The following FMN1 variants were observed in gnomAD, a reference collection of about 807,000 sequenced individuals.
FMN1 encodes the protein formin-1.
FMN1 carries 110 observed loss-of-function variants against 132.4 expected under a neutral mutation model. That is an observed-to-expected ratio of 0.83 (90% confidence interval 0.71 to 0.97). The LOEUF (loss-of-function observed/expected upper bound fraction) is 0.97, where lower values mean the gene tolerates loss of function less well. Ranked by LOEUF, FMN1 falls within the 50% of genes least tolerant of loss-of-function variation. The probability of loss-of-function intolerance (pLI) is 0.00; values close to 1 mark genes in which losing one functional copy is unlikely to be tolerated. For missense variants in FMN1, 1,792 were observed against 1,705.3 expected, an observed-to-expected ratio of 1.05 and a Z score of -0.90; for synonymous variants, 722 against 651.7, an observed-to-expected ratio of 1.11 and a Z score of -1.64.
At chr15:33,150,885 G>C in intron 4 of FMN1, 1 of 1,007,802 alleles carries the variant, frequency 9.9e-7, no homozygotes, top group Non-Finnish European at 1.2e-6. Flanking sequence ...AAGGGACACT[G>C]TAGTGTGATG....
intron 8 of FMN1, among the ~76,000 whole-genome samples, chr15:32,967,451 C>T (rs1470799056): frequency 2.0e-5 from 3 of 152,156 alleles, no homozygotes; most frequent in African/African-American, 4.8e-5. Flanking sequence ...AACACTAATA[C>T]GGAAACATGA....
At chr15:32,805,954 G>C (rs72717662) in intron 17 of FMN1, among the ~76,000 whole-genome samples, 3,393 of 152,122 alleles carry the variant, frequency 0.022, 65 homozygotes, top group Non-Finnish European at 0.035. Context: ...CTTTCTATAG[G>C]ATTATCAAGA....
rs761623743 is a variant in FMN1 at position 32,969,462 on chromosome 15, G to C, written c.2239C>G (p.Arg747Gly). 1.2e-6 allele frequency: 2 copies of C among 1,613,560 alleles called. No individual in the cohort carries two copies. Among genetic ancestry groups the C allele is most frequent in the Admixed American group, 3.3e-5 (2 of 59,986 alleles). Reference protein sequence around the residue: ...IENLQAQFELRAFHIRGEHAM... With the variant: ...IENLQAQFELGAFHIRGEHAM... ...TGCTCGCCCCGGATATGAAATGCCC[G>C]AAGTTCAAACTGTGCCTATAGGAAA... The change falls in exon 8 of 21, where the codon CGG becomes GGG. Residue 747 changes from arginine to glycine, a missense_variant. Physicochemically the swap from Arg to Gly is moderately radical, Grantham distance 125. This residue lies in a region of FMN1 where 1,150 missense variants were observed against 1,043.1 expected (regional missense o/e 1.10). Transcript: ENST00000616417.
intron 7 of FMN1, among the ~76,000 whole-genome samples, chr15:32,999,524 C>G (rs1332803268): frequency 1.3e-5 from 2 of 152,128 alleles, no homozygotes; most frequent in Non-Finnish European, 2.9e-5. Context: ...GGCATTGATC[C>G]CTGGATCATT....
chr15:33,125,741 T>C (rs1198417541), intron 4 of FMN1, among the ~76,000 whole-genome samples: 1 of 147,330 alleles, frequency 6.8e-6, no homozygotes, highest in Non-Finnish European at 1.5e-5. Flanking sequence ...GTCTGTTAAA[T>C]GGCCAACTTT....
chr15:33,112,471 G>C (rs974539175), intron 4 of FMN1, among the ~76,000 whole-genome samples: 5 of 152,098 alleles, frequency 3.3e-5, no homozygotes, highest in Non-Finnish European at 7.4e-5. Flanking sequence ...CAAGTACTAA[G>C]CACAACTATG....
chr15:33,108,937 C>T (rs2039591069), intron 4 of FMN1, among the ~76,000 whole-genome samples: 1 of 152,094 alleles, frequency 6.6e-6, no homozygotes, highest in Non-Finnish European at 1.5e-5. Context: ...AATATGAATC[C>T]TTCAGACAAT....
At chr15:33,020,305 A>G (rs1459818827) in intron 6 of FMN1, among the ~76,000 whole-genome samples, 1 of 152,090 alleles carries the variant, frequency 6.6e-6, no homozygotes, top group Non-Finnish European at 1.5e-5. Context: ...TACAGAACTG[A>G]CTGCTTGGGA....
intron 17 of FMN1, among the ~76,000 whole-genome samples, chr15:32,847,778 C>T (rs2058894124): frequency 6.6e-6 from 1 of 152,140 alleles, no homozygotes; most frequent in African/African-American, 2.4e-5. Flanking sequence ...TGGCATGAAC[C>T]TGGGAGGCGG....
chr15:32,804,272 G>T lies in FMN1; in HGVS notation c.3980+9C>A. 6.4e-7 allele frequency: 1 copy of T among 1,560,776 alleles called. No individual in the cohort carries two copies. Among genetic ancestry groups the T allele is most frequent in the Non-Finnish European group, 8.7e-7 (1 of 1,150,062 alleles). ...AAGAAAGAACTGGGGCCAAATCAGA[G>T]CTGCTTACCTTTTCTGTGCATTCTC... On this transcript the variant is annotated intron_variant, in intron 18 of 20. Transcript: ENST00000616417.
rs869111673 is a variant in FMN1, at chr15:32,957,298, C to CTTTTTT, written c.3138+6803_3138+6808dup. ...AATTGGAAAGTTTATCAGAGCAGTT[C>CTTTTTT]TTTTTTTTTTTTTTTTTTTTTTTTT... On this transcript the variant is annotated intron_variant, in intron 9 of 20. Coordinates refer to ENST00000616417, the MANE Select transcript of FMN1 (RefSeq NM_001277313.2). Among the ~76,000 whole-genome samples, 46 of 84,188 alleles carry CTTTTTT rather than the reference C, an allele frequency of 5.5e-4. 5 individuals are homozygous for CTTTTTT. Among genetic ancestry groups the CTTTTTT allele is most frequent in the Admixed American group, 6.7e-4 (4 of 5,988 alleles). The allele number at this position is 84,188 out of a possible 152,430, so 55.2% of individuals were successfully genotyped here. A position where few individuals can be genotyped will look rare whatever the true frequency, so the allele number is the denominator to read the frequency against.
At chr15:32,881,561 G>T (rs982108505) in intron 16 of FMN1, among the ~76,000 whole-genome samples, 11 of 152,164 alleles carry the variant, frequency 7.2e-5, no homozygotes, top group Admixed American at 7.2e-4. Context: ...GGTTTCCAAA[G>T]TGACTTTTCC....
At chr15:32,935,330 C>A (rs1308070111) in intron 9 of FMN1, among the ~76,000 whole-genome samples, 1 of 152,184 alleles carries the variant, frequency 6.6e-6, no homozygotes, top group African/African-American at 2.4e-5. Flanking sequence ...GAGAAATCTT[C>A]TGATAGTCTT....
At chr15:32,901,573 TC>T (rs1295787161) in intron 13 of FMN1, among the ~76,000 whole-genome samples, 1 of 152,222 alleles carries the variant, frequency 6.6e-6, no homozygotes, top group Non-Finnish European at 1.5e-5. Context: ...CAAAATCTCT[TC>T]TGCAATCCAA....
chr15:33,126,102 T>C (rs763715059), intron 4 of FMN1, among the ~76,000 whole-genome samples: 1 of 152,106 alleles, frequency 6.6e-6, no homozygotes, highest in African/African-American at 2.4e-5. Flanking sequence ...TGTGTAAATG[T>C]TACGCTTTTG....
intron 9 of FMN1, among the ~76,000 whole-genome samples, chr15:32,931,690 T>A (rs2061122482): frequency 6.6e-6 from 1 of 151,486 alleles, no homozygotes; most frequent in South Asian, 2.1e-4. Flanking sequence ...ATGCCTTTTA[T>A]TTCTCTCTCT....
intron 4 of FMN1, among the ~76,000 whole-genome samples, chr15:33,101,139 T>C (rs1373970114): frequency 1.3e-5 from 2 of 152,144 alleles, no homozygotes; most frequent in Admixed American, 1.3e-4. Flanking sequence ...AGGTAGAAAA[T>C]GGATTTGAAC....
chr15:32,832,287 A>G (rs2058521152), intron 17 of FMN1, among the ~76,000 whole-genome samples: 1 of 152,194 alleles, frequency 6.6e-6, no homozygotes, highest in East Asian at 1.9e-4. Context: ...CTGAATTCCA[A>G]GTCTAGGGGT....
chr15:33,108,105 T>G (rs2039554569), intron 4 of FMN1, among the ~76,000 whole-genome samples: 1 of 152,076 alleles, frequency 6.6e-6, no homozygotes, highest in Non-Finnish European at 1.5e-5. Context: ...AGCAATGCCT[T>G]CCCTGGCACA....
Sources: gnomAD v4.1 joint callset for allele counts (sites outside exome capture counted in the v4.1 genomes callset) on GRCh38, gnomAD v4.1.1 for gene constraint, gnomAD v4.1.1 regional missense constraint, MANE v1.5 for transcripts, NCBI Gene and HGNC (gene_info 2026-07-23, HGNC 2026-07-21) for gene names.